Variants in MAK observed in about 807,000 individuals in gnomAD.
MAK encodes the protein male germ cell associated kinase.
A neutral mutation model predicts 82.6 loss-of-function variants in MAK; 65 were observed. The observed-to-expected ratio is 0.79, with a 90% confidence interval of 0.64 to 0.97. The LOEUF (loss-of-function observed/expected upper bound fraction) is 0.97. Among genes scored for constraint, MAK ranks in the 50% least tolerant of loss-of-function variants. The pLI, the probability that MAK is intolerant of heterozygous loss-of-function variation, is 0.00. For missense variants in MAK, 703 were observed against 780.2 expected (o/e 0.90, Z 1.18); for synonymous variants, 250 against 274.2 (o/e 0.91, Z 0.87).
chr6:10,784,618 G>GATCTCGCCCACCCGCTGCAC, intron 10 of MAK, 46 bp from the exon 11 acceptor site: 3 of 1,335,750 alleles, frequency 2.2e-6, no homozygotes, highest in Non-Finnish European at 3.2e-6. Context: ...ACAACGAGAG[G>GATCTCGCCCACCCGCTGCAC]ATCTCGCCCA....
chr6:10,782,249 C>T (rs4712945), intron 11 of MAK, among the ~76,000 whole-genome samples: 66,146 of 138,126 alleles, frequency 0.48, 16,607 homozygotes, highest in Non-Finnish European at 0.57. Flanking sequence ...CACACACACA[C>T]AGACACACAC....
Position 10,784,409 on chromosome 6 carries a change from C to T in MAK, c.1465+15G>A, listed in dbSNP as rs1175010220. 1 of 1,613,652 alleles carries T rather than the reference C, an allele frequency of 6.2e-7. No individual in the cohort carries two copies. The highest frequency in any genetic ancestry group is 1.7e-5 in the Admixed American group (1 of 60,002). On this transcript the variant is annotated intron_variant, in intron 11 of 14. Transcript: ENST00000354489. ...TACTCTAGTTAGCAGCAAACATTTT[C>T]TTTGCTCTACTTACCTGGAAGATAT...
intron 8 of MAK, among the ~76,000 whole-genome samples, chr6:10,798,248 G>A (rs1360922902): frequency 6.6e-6 from 1 of 151,332 alleles, no homozygotes; most frequent in Admixed American, 6.6e-5. Flanking sequence ...CCGAGTAGCT[G>A]GGATTACAGG....
At chr6:10,795,738 C>A (rs886390333) in intron 9 of MAK, among the ~76,000 whole-genome samples, 21 of 152,120 alleles carry the variant, frequency 1.4e-4, no homozygotes, top group African/African-American at 5.1e-4. Context: ...AAGCGAACCT[C>A]CGTCTCAAAA....
rs1200516517 is a variant in MAK at position 10,764,461 on chromosome 6, G to C, written c.1938C>G (p.Gly646=). 1.2e-6 allele frequency: 2 copies of C among 1,613,924 alleles called. No homozygotes were observed. The highest frequency in any genetic ancestry group is 1.1e-5 in the South Asian group (1 of 91,066). Residue 646 remains glycine (G), a synonymous_variant, in exon 15 of 15, where the codon GGC becomes GGG. Transcript: ENST00000354489. ...GRTDWVAKYG[G]HR is the part of the protein sequence containing the mutation. ...TTCACACCATAGACTCCTACCGGTGGCCTCCATACTTGGCCACCCAGTCTG... is the reference window on the plus strand; with the variant it reads ...TTCACACCATAGACTCCTACCGGTGCCCTCCATACTTGGCCACCCAGTCTG...
intron 6 of MAK, among the ~76,000 whole-genome samples, chr6:10,808,246 C>T (rs1176312783): frequency 6.6e-6 from 1 of 152,104 alleles, no homozygotes; most frequent in African/African-American, 2.4e-5. Flanking sequence ...CTCTTTTTCT[C>T]TTTGGGCTCT....
At chr6:10,830,480 T>C in intron 2 of MAK, 68 bp downstream of exon 2, 1 of 1,328,028 alleles carries the variant, frequency 7.5e-7, no homozygotes, top group Non-Finnish European at 1.1e-6. Flanking sequence ...GTATATATTC[T>C]TAAGCGAGGA....
At position 10,784,536 on chromosome 6, in the gene MAK, C is replaced by A. The variant is rs898269947; in HGVS notation, c.1353G>T (p.Ser451=). The A allele has an allele frequency of 9.9e-6, 16 of 1,614,076 alleles. No homozygotes were observed. In the East Asian group the frequency reaches 3.6e-4, roughly 36 times the overall value. The part of the protein sequence containing the change: ...PEPVPSGSNH[S]TGENKSLPAV... The stretch of plus-strand genomic sequence containing the variant: ...CAGGTAAGCTCTTGTTTTCCCCTGT[C>A]GAGTGGTTGGAGCCTGAGGGTACTG... Residue 451 remains serine, a synonymous_variant, in exon 11 of 15, where the codon TCG becomes TCT. Transcript: ENST00000354489.
In MAK at chr6:10,813,679, T is replaced by C. The variant is rs1777238265; in HGVS notation, c.323A>G (p.Gln108Arg). The change falls in exon 5 of 15, where the codon CAA becomes CGA. Residue 108 changes from glutamine to arginine, a missense_variant. Physicochemically the swap from Gln to Arg is conservative, Grantham distance 43 (BLOSUM62 1). Coordinates refer to ENST00000354489, the MANE Select transcript of MAK (RefSeq NM_001242957.3). ...PESVIRNIMY[Q>R]ILQGLAFIHK... The stretch of plus-strand genomic sequence containing the variant: ...GATAAAAGCCAGCCCTTGCAATATT[T>C]GATACATAATATTTCTGATGACTGA... 6.2e-7 allele frequency: 1 copy of C among 1,606,430 alleles called. No individual in the cohort carries two copies. The highest frequency in any genetic ancestry group is 2.2e-5 in the East Asian group (1 of 44,792).
rs1778820412 is a variant in MAK, at chr6:10,831,714, C to A, written c.-229-837G>T. 2.0e-5 allele frequency among the ~76,000 whole-genome samples: 3 copies of A among 151,986 alleles called. No individual in the cohort carries two copies. In the South Asian group the frequency reaches 6.2e-4, roughly 32 times the overall value. On this transcript the variant is annotated intron_variant, in intron 1 of 14. Coordinates refer to ENST00000354489, the MANE Select transcript of MAK (RefSeq NM_001242957.3). ...TGAGCTATGATCACACCACTAAACT[C>A]CATCCTGGGTGACAGAGTAAGACTC...
intron 11 of MAK, among the ~76,000 whole-genome samples, chr6:10,782,129 C>A (rs1774032158): frequency 6.6e-6 from 1 of 151,766 alleles, no homozygotes; most frequent in Non-Finnish European, 1.5e-5. Context: ...ATCGCTTCAA[C>A]CCAGGAGGAT....
intron 1 of MAK, among the ~76,000 whole-genome samples, chr6:10,837,441 C>A (rs181065711): frequency 1.5e-3 from 235 of 152,334 alleles, no homozygotes; most frequent in Middle Eastern, 3.4e-3. Context: ...GCAGTGGAAG[C>A]AGGCGGTGGC....
rs1316407297 is a variant in MAK at position 10,775,454 on chromosome 6, T to C, written c.1471A>G (p.Asn491Asp). The change falls in exon 12 of 15, where the codon AAT (asparagine) becomes GAT (aspartate). Residue 491 changes from asparagine (N) to aspartate (D), a missense_variant. Coordinates refer to ENST00000354489, the MANE Select transcript of MAK (RefSeq NM_001242957.3). ...LKQSRYLPGV[N>D]PKKVSLIASG... ...GCTATCAAGGACACCTTCTTGGGAT[T>C]CACACCTGAGAAGAACAAAACAACC... 2 of 1,613,148 alleles carry C rather than the reference T, an allele frequency of 1.2e-6. No homozygotes were observed. The highest frequency in any genetic ancestry group is 1.7e-6 in the Non-Finnish European group (2 of 1,179,380).
At chr6:10,779,741 ATGGCACTATCT>A (rs1773794878) in intron 11 of MAK, among the ~76,000 whole-genome samples, 1 of 151,972 alleles carries the variant, frequency 6.6e-6, no homozygotes, top group South Asian at 2.1e-4. Context: ...CTGGAGTGCA[ATGGCACTATCT>A]TGGCTCACTG....
At chr6:10,826,401 G>C (rs1778374037) in intron 2 of MAK, among the ~76,000 whole-genome samples, 1 of 152,078 alleles carries the variant, frequency 6.6e-6, no homozygotes, top group South Asian at 2.1e-4. Context: ...GTAACTTCTT[G>C]AATCTGTTGG....
At chr6:10,779,540 A>C in intron 11 of MAK, 3 of 949,268 alleles carry the variant, frequency 3.2e-6, no homozygotes, top group Non-Finnish European at 3.8e-6. Context: ...AGAATCCTAA[A>C]AGTCGATGCT....
rs537097940 is a variant in MAK at position 10,765,585 on chromosome 6, G to A, written c.1793-979C>T. ...AGTGATTCTCTTGCCTCAGCCTTCTGAGCAGCTGGGATTACAGGGGCGCAC... is the reference window on the plus strand; with the variant it reads ...AGTGATTCTCTTGCCTCAGCCTTCTAAGCAGCTGGGATTACAGGGGCGCAC... On this transcript the variant is annotated intron_variant, in intron 14 of 14. Transcript: ENST00000354489. Among the ~76,000 whole-genome samples the A allele has an allele frequency of 5.3e-5, 8 of 151,762 alleles. No homozygotes were observed. The South Asian group carries it at 1.7e-3, about 32-fold the overall frequency.
At chr6:10,829,566 C>CA (rs1778619632) in intron 2 of MAK, among the ~76,000 whole-genome samples, 1 of 151,934 alleles carries the variant, frequency 6.6e-6, no homozygotes, top group Admixed American at 6.6e-5. Context: ...ACCCCCATCT[C>CA]AAAAAACACA....
intron 9 of MAK, among the ~76,000 whole-genome samples, chr6:10,794,687 C>T (rs1775365647): frequency 6.6e-6 from 1 of 152,112 alleles, no homozygotes; most frequent in South Asian, 2.1e-4. Context: ...TTATACTATG[C>T]CTGACACTTT....
Sources: gnomAD v4.1 joint callset for allele counts (sites outside exome capture counted in the v4.1 genomes callset) on GRCh38, gnomAD v4.1.1 for gene constraint, MANE v1.5 for transcripts, NCBI Gene and HGNC (gene_info 2026-07-23, HGNC 2026-07-21) for gene names.